Variants in PDE7B observed in about 807,000 individuals in gnomAD.
PDE7B encodes the protein phosphodiesterase 7B, also known as 3',5'-cyclic-AMP phosphodiesterase 7B.
PDE7B carries 29 observed loss-of-function variants against 56.2 expected under a neutral mutation model. That is an observed-to-expected ratio of 0.52 (90% CI 0.38 to 0.70). PDE7B has a LOEUF of 0.70. Among genes scored for constraint, PDE7B ranks in the 30% least tolerant of loss-of-function variants. PDE7B has a pLI of 0.00. For missense variants in PDE7B, 490 were observed against 565.0 expected, an observed-to-expected ratio of 0.87 and a Z score of 1.35; for synonymous variants, 197 against 196.9, an observed-to-expected ratio of 1.00 and a Z score of 0.00.
At chr6:135,924,060 T>C (rs1171710554) in intron 1 of PDE7B, among the ~76,000 whole-genome samples, 1 of 152,186 alleles carries the variant, frequency 6.6e-6, no homozygotes, top group Non-Finnish European at 1.5e-5. Flanking sequence ...CAATTAGTGA[T>C]AGGAAGGTGC....
intron 10 of PDE7B, among the ~76,000 whole-genome samples, chr6:136,179,993 T>C (rs975030552): frequency 6.6e-6 from 1 of 152,150 alleles, no homozygotes; most frequent in Non-Finnish European, 1.5e-5. Flanking sequence ...ACCAGAACCT[T>C]CTTTCTTGAT....
At chr6:135,960,700 A>G (rs949289902) in intron 2 of PDE7B, among the ~76,000 whole-genome samples, 3 of 152,208 alleles carry the variant, frequency 2.0e-5, no homozygotes, top group East Asian at 1.9e-4. Context: ...ACAAAACCAC[A>G]TGGATGAAAA....
intron 2 of PDE7B, among the ~76,000 whole-genome samples, chr6:135,957,402 T>TA (rs1174644488): frequency 6.6e-6 from 1 of 152,122 alleles, no homozygotes; most frequent in Non-Finnish European, 1.5e-5. Flanking sequence ...TCTTTAAAAT[T>TA]AAAAAATACA....
At chr6:135,862,472 A>G (rs1468197832) in intron 1 of PDE7B, among the ~76,000 whole-genome samples, 2 of 151,916 alleles carry the variant, frequency 1.3e-5, no homozygotes, top group South Asian at 2.1e-4. Flanking sequence ...GATGAAAACC[A>G]TTAACCTAAA....
At chr6:135,918,482 ATC>A (rs1774001367) in intron 1 of PDE7B, among the ~76,000 whole-genome samples, 2 of 152,178 alleles carry the variant, frequency 1.3e-5, no homozygotes, top group African/African-American at 4.8e-5. Flanking sequence ...TATCTTTCAC[ATC>A]TGGTGTCATC....
chr6:136,110,518 G>A (rs1362549821), intron 3 of PDE7B, among the ~76,000 whole-genome samples: 3 of 152,116 alleles, frequency 2.0e-5, no homozygotes, highest in Non-Finnish European at 4.4e-5. Flanking sequence ...GTAGATGAGT[G>A]TTAGTTCATG....
rs533565334 is a variant in PDE7B at position 136,053,765 on chromosome 6, A to T, written c.83-54966A>T. 2.7e-4 allele frequency among the ~76,000 whole-genome samples: 41 copies of T among 152,142 alleles called. 1 individual carries two copies. The highest frequency in any genetic ancestry group is 4.4e-5 in the Non-Finnish European group (3 of 67,976). ...TGATTGCCATTCTAACTGGTGTGAG[A>T]TGGTATCTCATTGTGGTTTTGATTT... On this transcript the variant is annotated intron_variant, in intron 2 of 12. Coordinates refer to ENST00000308191, the MANE Select transcript of PDE7B (RefSeq NM_018945.4).
At chr6:135,927,448 A>G (rs764288041) in intron 1 of PDE7B, among the ~76,000 whole-genome samples, 1 of 152,178 alleles carries the variant, frequency 6.6e-6, no homozygotes, top group African/African-American at 2.4e-5. Context: ...TTTGATAGGA[A>G]TAGCATTGAA....
rs147611293 is a variant in PDE7B at position 135,895,766 on chromosome 6, C to G, written c.21+43747C>G. ...TGTAGTACAGACAGGGCTTGCCAAG[C>G]CTTTAGCTTGAGTGTTCTTGGAGGG... On this transcript the variant is annotated intron_variant, in intron 1 of 12. Coordinates refer to ENST00000308191, the MANE Select transcript of PDE7B (RefSeq NM_018945.4). Among the ~76,000 whole-genome samples the G allele has an allele frequency of 6.9e-3, 1,042 of 152,032 alleles. 14 individuals are homozygous for G. The highest frequency in any genetic ancestry group is 0.024 in the Admixed American group (362 of 15,260).
rs796260798 is a variant in PDE7B, at chr6:136,061,220, G to A, written c.83-47511G>A. Among the ~76,000 whole-genome samples, 11 of 152,220 alleles carry A rather than the reference G, an allele frequency of 7.2e-5. 1 individual carries two copies. The highest frequency in any genetic ancestry group is 2.6e-4 in the African/African-American group (11 of 41,552). On this transcript the variant is annotated intron_variant, in intron 2 of 12. Transcript: ENST00000308191. ...CATGTGTGTGTGTTTCTGTGTGTATGTGTTTGAATTCTTTCTCCTCTCATC... is the reference window on the plus strand; with the variant it reads ...CATGTGTGTGTGTTTCTGTGTGTATATGTTTGAATTCTTTCTCCTCTCATC...
chr6:135,988,398 A>G (rs997074239), intron 2 of PDE7B, among the ~76,000 whole-genome samples: 2 of 152,326 alleles, frequency 1.3e-5, no homozygotes, highest in East Asian at 1.9e-4. Flanking sequence ...TAGGCAGGCA[A>G]TCCTCTTTCA....
intron 8 of PDE7B, among the ~76,000 whole-genome samples, chr6:136,164,132 G>C (rs994214305): frequency 6.6e-6 from 1 of 152,184 alleles, no homozygotes; most frequent in African/African-American, 2.4e-5. Context: ...ATAAAGGAAA[G>C]AGGTTTAATT....
intron 2 of PDE7B, among the ~76,000 whole-genome samples, chr6:136,084,187 C>A (rs1777251140): frequency 6.6e-6 from 1 of 152,198 alleles, no homozygotes; most frequent in Non-Finnish European, 1.5e-5. Flanking sequence ...GCCCCACAAC[C>A]CTCTGAGATA....
At chr6:136,075,541 G>T (rs775452786) in intron 2 of PDE7B, among the ~76,000 whole-genome samples, 29 of 152,156 alleles carry the variant, frequency 1.9e-4, no homozygotes, top group Non-Finnish European at 3.2e-4. Context: ...CAGCTGTAGG[G>T]GGTTTGTGTG....
intron 1 of PDE7B, among the ~76,000 whole-genome samples, chr6:135,929,397 A>G (rs184217017): frequency 1.3e-3 from 191 of 152,340 alleles, no homozygotes; most frequent in African/African-American, 4.4e-3. Context: ...AGCACTTGAA[A>G]TGTAGCTTGT....
At chr6:136,186,807 G>T (rs1161726268) in intron 11 of PDE7B, among the ~76,000 whole-genome samples, 1 of 152,178 alleles carries the variant, frequency 6.6e-6, no homozygotes, top group African/African-American at 2.4e-5. Context: ...ACACCTACTA[G>T]CAATAAGCCA....
chr6:135,891,158 A>G (rs1583743736), intron 1 of PDE7B, among the ~76,000 whole-genome samples: 1 of 152,204 alleles, frequency 6.6e-6, no homozygotes, highest in Admixed American at 6.5e-5. Flanking sequence ...GAGCAGAGAC[A>G]TACTTTAATA....
At chr6:135,956,254 G>A (rs73558734) in intron 2 of PDE7B, among the ~76,000 whole-genome samples, 2,040 of 152,280 alleles carry the variant, frequency 0.013, 49 homozygotes, top group African/African-American at 0.047. Context: ...AAAGGAAAAG[G>A]AGAGAATGGT....
chr6:136,041,612 A>C (rs954822934), intron 2 of PDE7B, among the ~76,000 whole-genome samples: 2 of 152,238 alleles, frequency 1.3e-5, no homozygotes, highest in Non-Finnish European at 2.9e-5. Context: ...TGCATCTGGG[A>C]GTGCCCCCAA....
Sources: gnomAD v4.1 joint callset for allele counts (sites outside exome capture counted in the v4.1 genomes callset) on GRCh38, gnomAD v4.1.1 for gene constraint, MANE v1.5 for transcripts, NCBI Gene and HGNC (gene_info 2026-07-23, HGNC 2026-07-21) for gene names.